The following TANC2 variants were observed in gnomAD, a reference collection of about 807,000 sequenced individuals.
TANC2 encodes tetratricopeptide repeat, ankyrin repeat and coiled-coil containing 2, also known as protein TANC2.
TANC2 carries 26 observed loss-of-function variants against 210.5 expected under a neutral mutation model. The ratio of observed to expected loss-of-function variants is 0.12; its 90% confidence interval spans 0.09 to 0.17. The LOEUF (loss-of-function observed/expected upper bound fraction) is 0.17. Among genes scored for constraint, TANC2 ranks in the 10% least tolerant of loss-of-function variants. The probability of loss-of-function intolerance (pLI) is 1.00; values close to 1 mark genes in which losing one functional copy is unlikely to be tolerated. For missense variants in TANC2, 2,129 were observed against 2,608.9 expected (o/e 0.82, Z 4.01); for synonymous variants, 931 against 967.1 (o/e 0.96, Z 0.69).
intron 21 of TANC2, among the ~76,000 whole-genome samples, chr17:63,410,945 AAG>A (rs1236338674): frequency 6.6e-6 from 1 of 151,950 alleles, no homozygotes; most frequent in African/African-American, 2.4e-5. Context: ...TATACATAAA[AAG>A]AAATAATGGA....
chr17:63,002,605 A>G (rs927024773), intron 1 of TANC2, among the ~76,000 whole-genome samples: 8 of 152,202 alleles, frequency 5.3e-5, no homozygotes, highest in East Asian at 1.9e-4. Flanking sequence ...AACATATAGA[A>G]TATTACCATC....
At chr17:63,366,840 C>T (rs529999474) in intron 14 of TANC2, among the ~76,000 whole-genome samples, 16 of 152,152 alleles carry the variant, frequency 1.1e-4, no homozygotes, top group South Asian at 4.2e-4. Flanking sequence ...AAAAATATGC[C>T]GAAGCAGTTA....
At chr17:63,273,496 C>T (rs532539812) in intron 9 of TANC2, among the ~76,000 whole-genome samples, 93 of 151,992 alleles carry the variant, frequency 6.1e-4, no homozygotes, top group Non-Finnish European at 1.1e-3. Context: ...GTGGAAAATT[C>T]CACTGTACAC....
intron 4 of TANC2, chr17:63,120,803 G>A (rs1266313266): frequency 3.0e-5 from 3 of 99,024 alleles, no homozygotes; most frequent in Non-Finnish European, 5.4e-5. Flanking sequence ...GACAGTATGA[G>A]ACCCTGTCTC....
intron 3 of TANC2, among the ~76,000 whole-genome samples, chr17:63,083,452 G>A (rs1376904453): frequency 6.6e-6 from 1 of 152,134 alleles, no homozygotes; most frequent in Non-Finnish European, 1.5e-5. Context: ...GAAAAAAAGG[G>A]GGAGATTTCC....
At chr17:63,287,374 G>T (rs867691834) in intron 9 of TANC2, among the ~76,000 whole-genome samples, 1 of 151,918 alleles carries the variant, frequency 6.6e-6, no homozygotes, top group African/African-American at 2.4e-5. Flanking sequence ...TGTCTTATTT[G>T]TCAGTTTCAA....
intron 1 of TANC2, among the ~76,000 whole-genome samples, chr17:62,988,237 T>C (rs935433956): frequency 9.2e-5 from 14 of 151,592 alleles, no homozygotes; most frequent in African/African-American, 3.2e-4. Flanking sequence ...AAGCGATTCT[T>C]CTGCCTCAGC....
At chr17:63,266,228 A>C (rs191516948) in intron 8 of TANC2, among the ~76,000 whole-genome samples, 140 of 152,240 alleles carry the variant, frequency 9.2e-4, no homozygotes, top group African/African-American at 3.3e-3. Context: ...ATTTTAATAA[A>C]TTTTTAATAA....
intron 4 of TANC2, among the ~76,000 whole-genome samples, chr17:63,138,152 C>G (rs1056380330): frequency 6.6e-6 from 1 of 152,106 alleles, no homozygotes; most frequent in African/African-American, 2.4e-5. Context: ...GACCCTTCCC[C>G]CTCCCACCCC....
At chr17:63,297,126 A>C (rs1427017527) in intron 9 of TANC2, among the ~76,000 whole-genome samples, 1 of 152,220 alleles carries the variant, frequency 6.6e-6, no homozygotes, top group African/African-American at 2.4e-5. Context: ...TAATGTTGTT[A>C]AGATATTGGT....
intron 2 of TANC2, among the ~76,000 whole-genome samples, chr17:63,042,720 TAAGTA>T (rs1215304448): frequency 6.6e-6 from 1 of 152,144 alleles, no homozygotes; most frequent in African/African-American, 2.4e-5. Context: ...TTTTAAGACC[TAAGTA>T]GTTTCTGAGG....
chr17:63,193,977 C>T lies in TANC2; in HGVS notation c.434-14C>T. ...TTTGAAAGATTCATGTTCTTCAATG[C>T]CTTCTTGTTACAGGTGATGCTGAAC... On this transcript the variant is annotated splice_polypyrimidine_tract_variant and intron_variant, in intron 5 of 27. Coordinates refer to ENST00000689528, the Ensembl canonical transcript of TANC2. 1.9e-6 allele frequency: 3 copies of T among 1,608,038 alleles called. No homozygotes were observed. The highest frequency in any genetic ancestry group is 3.4e-5 in the Admixed American group (2 of 59,018).
intron 7 of TANC2, among the ~76,000 whole-genome samples, chr17:63,229,196 T>C (rs1051740874): frequency 6.6e-6 from 1 of 152,232 alleles, no homozygotes; most frequent in African/African-American, 2.4e-5. Flanking sequence ...CATGTGGTTT[T>C]TGTCTTTCCT....
At position 63,098,465 on chromosome 17, in the gene TANC2, CACACACACACACACA is replaced by C. The variant is rs1567720903; in HGVS notation, c.140-709_140-695del. Among the ~76,000 whole-genome samples the C allele has an allele frequency of 9.1e-3, 353 of 38,946 alleles. 1 individual carries two copies. The highest frequency in any genetic ancestry group is 0.051 in the African/African-American group (293 of 5,782). The allele number at this position is 38,946 out of a possible 152,430, so 25.6% of individuals were successfully genotyped here. On this transcript the variant is annotated intron_variant, in intron 3 of 27. Transcript: ENST00000689528. ...ACACACACACACACACACACACACA[CACACACACACACACA>C]TACACTCTCTCTCTCTCTCTCTCTC...
At chr17:63,098,472 A>G (rs2037482436) in intron 3 of TANC2, among the ~76,000 whole-genome samples, 1 of 37,196 alleles carries the variant, frequency 2.7e-5, no homozygotes, top group African/African-American at 1.9e-4. Flanking sequence ...ACACACACAC[A>G]CACACACATA....
rs185923709 is a variant in TANC2 at position 63,035,603 on chromosome 17, C to A, written c.67+25977C>A. Among the ~76,000 whole-genome samples, 617 of 152,246 alleles carry A rather than the reference C, an allele frequency of 4.1e-3. 5 individuals carry two copies. Among genetic ancestry groups the A allele is most frequent in the African/African-American group, 0.014 (598 of 41,534 alleles). On this transcript the variant is annotated intron_variant, in intron 2 of 27. Transcript: ENST00000689528. ...GATGTATTGTTTGCTCATTTATTCA[C>A]CCACTGAAGACCATTTGGATTATTT...
At chr17:63,175,533 C>CA (rs57220783) in intron 5 of TANC2, among the ~76,000 whole-genome samples, 2,261 of 102,896 alleles carry the variant, frequency 0.022, 29 homozygotes, top group East Asian at 0.061. Flanking sequence ...TCTCCCCCGC[C>CA]AAAAAAAAAA....
chr17:63,414,295 C>T (rs1004749906), intron 25 of TANC2: 5 of 152,222 alleles, frequency 3.3e-5, no homozygotes, highest in African/African-American at 9.7e-5. Flanking sequence ...GCAGTCATCA[C>T]TGACACTTCC....
At chr17:63,300,206 T>A (rs1049662461) in intron 9 of TANC2, among the ~76,000 whole-genome samples, 1 of 152,202 alleles carries the variant, frequency 6.6e-6, no homozygotes, top group Admixed American at 6.5e-5. Context: ...TAGTTTGAAG[T>A]CAGGTAGCAT....
Sources: allele counts gnomAD v4.1 joint callset (sites outside exome capture counted in the v4.1 genomes callset), GRCh38; gene constraint gnomAD v4.1.1; transcripts MANE v1.5; gene names NCBI Gene and HGNC (gene_info 2026-07-23, HGNC 2026-07-21).